The following DOK6 variants were observed in gnomAD, a reference collection of about 807,000 sequenced individuals.
DOK6 encodes downstream of tyrosine kinase 6.
DOK6 carries 22 observed loss-of-function variants against 44.0 expected under a neutral mutation model. That is an observed-to-expected ratio of 0.50 (90% CI 0.36 to 0.71). The LOEUF (loss-of-function observed/expected upper bound fraction) is 0.71, where lower values mean the gene tolerates loss of function less well. Ranked by LOEUF, DOK6 falls within the 30% of genes least tolerant of loss-of-function variation. DOK6 has a pLI of 0.00. For missense variants in DOK6, 340 were observed against 416.4 expected (o/e 0.82, Z 1.60); for synonymous variants, 166 against 145.5 (o/e 1.14, Z -1.01).
intron 5 of DOK6, among the ~76,000 whole-genome samples, chr18:69,716,835 A>T (rs2082283066): frequency 6.6e-6 from 1 of 152,126 alleles, no homozygotes; most frequent in Admixed American, 6.6e-5. Flanking sequence ...TCTGATTTCC[A>T]AATGGGTACC....
At chr18:69,768,981 G>GTGTGTGTGTGTGTGTGTGTGTGTC (rs1979808355) in intron 7 of DOK6, among the ~76,000 whole-genome samples, 1 of 151,702 alleles carries the variant, frequency 6.6e-6, no homozygotes. Context: ...GTGTGTGTGT[G>GTGTGTGTGTGTGTGTGTGTGTGTC]TTGAATGCCT....
At chr18:69,598,568 A>C (rs1455045776) in intron 2 of DOK6, among the ~76,000 whole-genome samples, 1 of 152,118 alleles carries the variant, frequency 6.6e-6, no homozygotes, top group East Asian at 1.9e-4. Flanking sequence ...TAGAAGAAAA[A>C]ATTCGCACCT....
chr18:69,691,433 T>C (rs1291578467), intron 4 of DOK6, among the ~76,000 whole-genome samples: 1 of 130,028 alleles, frequency 7.7e-6, no homozygotes, highest in Non-Finnish European at 1.7e-5. Context: ...CTTGTAGAAT[T>C]TGGGTTGTTT....
intron 7 of DOK6, among the ~76,000 whole-genome samples, chr18:69,805,139 C>T (rs1981018257): frequency 6.6e-6 from 1 of 152,096 alleles, no homozygotes; most frequent in African/African-American, 2.4e-5. Flanking sequence ...TAAGAGCTAT[C>T]AATAAATCAG....
At chr18:69,615,818 G>A (rs907639435) in intron 3 of DOK6, among the ~76,000 whole-genome samples, 5 of 152,128 alleles carry the variant, frequency 3.3e-5, no homozygotes, top group Admixed American at 6.5e-5. Context: ...AGCCTCTACC[G>A]TGCATGGGGT....
intron 3 of DOK6, among the ~76,000 whole-genome samples, chr18:69,622,131 T>C (rs1351790101): frequency 6.6e-6 from 1 of 152,184 alleles, no homozygotes; most frequent in African/African-American, 2.4e-5. Flanking sequence ...AAAGACCACA[T>C]AGGAAATCCT....
At chr18:69,729,614 C>T (rs1231101639) in intron 5 of DOK6, among the ~76,000 whole-genome samples, 1 of 152,018 alleles carries the variant, frequency 6.6e-6, no homozygotes, top group African/African-American at 2.4e-5. Flanking sequence ...AATGAGGATT[C>T]GGAGCAACTC....
chr18:69,595,194 T>G (rs1217589458), intron 2 of DOK6, among the ~76,000 whole-genome samples: 2 of 152,200 alleles, frequency 1.3e-5, no homozygotes, highest in African/African-American at 4.8e-5. Context: ...ACAGATTCAA[T>G]GCAATCCCTA....
intron 6 of DOK6, among the ~76,000 whole-genome samples, chr18:69,753,460 T>G (rs1568116200): frequency 6.6e-5 from 10 of 152,216 alleles, no homozygotes; most frequent in Admixed American, 5.9e-4. Flanking sequence ...GTGTCGGTTG[T>G]CCCTCTCAAA....
intron 5 of DOK6, chr18:69,721,554 C>T (rs932621096): frequency 1.3e-5 from 2 of 152,172 alleles, no homozygotes; most frequent in Admixed American, 6.5e-5. Flanking sequence ...TCACATTGTG[C>T]TATTGTTTGC....
chr18:69,760,380 C>G (rs374424156), intron 7 of DOK6, among the ~76,000 whole-genome samples: 21 of 152,220 alleles, frequency 1.4e-4, no homozygotes, highest in Non-Finnish European at 2.8e-4. Flanking sequence ...CCTGTAATCC[C>G]AGCACTTTGA....
At chr18:69,774,395 T>C (rs900482778) in intron 7 of DOK6, among the ~76,000 whole-genome samples, 2 of 151,462 alleles carry the variant, frequency 1.3e-5, no homozygotes, top group Non-Finnish European at 3.0e-5. Flanking sequence ...GGACTACAAA[T>C]TGGGTTCAGT....
Position 69,491,985 on chromosome 18 carries a change from T to C in DOK6, c.67-72502T>C, listed in dbSNP as rs17081077. On this transcript the variant is annotated intron_variant, in intron 1 of 7. Transcript: ENST00000382713. ...GAGTATTTCCAATAGAGAACTCAGA[T>C]AGTTTTATTATGGCTATATCTGTTA... 7.3e-3 allele frequency among the ~76,000 whole-genome samples: 1,108 copies of C among 152,340 alleles called. 14 individuals carry two copies. The highest frequency in any genetic ancestry group is 0.018 in the African/African-American group (759 of 41,582).
chr18:69,728,673 C>G (rs536255177), intron 5 of DOK6, among the ~76,000 whole-genome samples: 7 of 152,210 alleles, frequency 4.6e-5, no homozygotes, highest in Admixed American at 2.6e-4. Flanking sequence ...TCCTGCCCCC[C>G]TTTACCCGAG....
chr18:69,775,521 T>A (rs947570824), intron 7 of DOK6, among the ~76,000 whole-genome samples: 2 of 151,814 alleles, frequency 1.3e-5, no homozygotes, highest in African/African-American at 4.8e-5. Flanking sequence ...AGTGGGCACA[T>A]TAAGTAAACT....
At chr18:69,669,165 T>C (rs1411817567) in intron 3 of DOK6, among the ~76,000 whole-genome samples, 1 of 152,206 alleles carries the variant, frequency 6.6e-6, no homozygotes, top group Non-Finnish European at 1.5e-5. Context: ...TGTGCAGGGT[T>C]GTTACATGGG....
At chr18:69,619,011 G>C (rs537562709) in intron 3 of DOK6, among the ~76,000 whole-genome samples, 15 of 152,058 alleles carry the variant, frequency 9.9e-5, no homozygotes, top group African/African-American at 3.6e-4. Context: ...CAAGTCCTAA[G>C]TAAAATATAA....
intron 3 of DOK6, among the ~76,000 whole-genome samples, chr18:69,647,093 C>T (rs1389535774): frequency 6.6e-6 from 1 of 152,076 alleles, no homozygotes; most frequent in Admixed American, 6.6e-5. Flanking sequence ...TCCTATCTGT[C>T]TATCCTATCT....
At chr18:69,440,423 A>G (rs941030697) in intron 1 of DOK6, among the ~76,000 whole-genome samples, 1 of 152,184 alleles carries the variant, frequency 6.6e-6, no homozygotes, top group African/African-American at 2.4e-5. Flanking sequence ...TCAATCTGTA[A>G]AAAATGCAAT....
Sources: allele counts gnomAD v4.1 joint callset (sites outside exome capture counted in the v4.1 genomes callset), GRCh38; gene constraint gnomAD v4.1.1; transcripts MANE v1.5; gene names NCBI Gene and HGNC (gene_info 2026-07-23, HGNC 2026-07-21).